The following GUCY1A2 variants were observed in gnomAD, a reference collection of about 807,000 sequenced individuals.
GUCY1A2 encodes guanylate cyclase 1 soluble subunit alpha 2.
GUCY1A2 carries 27 observed loss-of-function variants against 63.5 expected under a neutral mutation model. The observed-to-expected ratio is 0.43, with a 90% confidence interval of 0.31 to 0.59. GUCY1A2 has a LOEUF of 0.59. GUCY1A2 is among the 20% of genes least tolerant of loss of function. The pLI, the probability that GUCY1A2 is intolerant of heterozygous loss-of-function variation, is 0.11. For synonymous variants in GUCY1A2, 364 were observed against 343.5 expected, an observed-to-expected ratio of 1.06 and a Z score of -0.66; for missense variants, 768 against 913.3, an observed-to-expected ratio of 0.84 and a Z score of 2.05.
At chr11:106,811,624 AT>A (rs2135424938) in intron 4 of GUCY1A2, among the ~76,000 whole-genome samples, 1 of 152,178 alleles carries the variant, frequency 6.6e-6, no homozygotes, top group Admixed American at 6.6e-5. Context: ...AGTCATTAAT[AT>A]TTTTACTTTT....
chr11:106,962,896 T>C (rs1459188275), intron 3 of GUCY1A2, among the ~76,000 whole-genome samples: 2 of 151,882 alleles, frequency 1.3e-5, no homozygotes, highest in Non-Finnish European at 2.9e-5. Context: ...CATGTGCTTA[T>C]GCTCTGACCT....
rs768965275 is a variant in GUCY1A2 at position 106,708,678 on chromosome 11, T to A, written c.1837-12A>T. On this transcript the variant is annotated splice_polypyrimidine_tract_variant and intron_variant, in intron 6 of 7. Coordinates refer to ENST00000526355, the MANE Select transcript of GUCY1A2 (RefSeq NM_000855.3). ...ATTCCTATCCTCATCTAAAGAAGAA[T>A]GAAAGAGGAAAAGGAACATATTTGT... 5 of 1,556,780 alleles carry A rather than the reference T, an allele frequency of 3.2e-6. No individual in the cohort carries two copies. Among genetic ancestry groups the A allele is most frequent in the Admixed American group, 1.8e-5 (1 of 55,392 alleles).
intron 4 of GUCY1A2, chr11:106,826,299 C>T: frequency 2.2e-6 from 2 of 913,520 alleles, no homozygotes; most frequent in Non-Finnish European, 3.3e-6. Flanking sequence ...TCAGTGTGGT[C>T]ATCATTAACT....
chr11:106,859,384 G>T (rs1859478301), intron 4 of GUCY1A2, among the ~76,000 whole-genome samples: 1 of 151,934 alleles, frequency 6.6e-6, no homozygotes, highest in South Asian at 2.1e-4. Context: ...CTTAATTTAT[G>T]TATTTATTCT....
chr11:106,894,880 G>A lies in GUCY1A2; in HGVS notation c.1206+44580C>T, dbSNP rs568769026. 5.7e-4 allele frequency among the ~76,000 whole-genome samples: 87 copies of A among 151,936 alleles called. 3 individuals carry two copies. The highest frequency in any genetic ancestry group is 1.6e-3 in the African/African-American group (68 of 41,446). Reference sequence around the variant, plus strand: ...AGAAGAAAAAATTAAATCCAAAGTCGGCCTGAGAAAAGAAATAAAGTCAGA... The same window carrying A: ...AGAAGAAAAAATTAAATCCAAAGTCAGCCTGAGAAAAGAAATAAAGTCAGA... On this transcript the variant is annotated intron_variant, in intron 4 of 7. Coordinates refer to ENST00000526355, the MANE Select transcript of GUCY1A2 (RefSeq NM_000855.3).
intron 3 of GUCY1A2, among the ~76,000 whole-genome samples, chr11:106,968,459 C>T (rs1350181672): frequency 1.3e-5 from 2 of 152,104 alleles, no homozygotes; most frequent in Non-Finnish European, 2.9e-5. Flanking sequence ...GTTGGTTTTT[C>T]CTCTTTTACT....
chr11:106,938,731 G>A (rs1471046), intron 4 of GUCY1A2, among the ~76,000 whole-genome samples: 2 of 151,792 alleles, frequency 1.3e-5, no homozygotes, highest in African/African-American at 4.8e-5. Context: ...TATTTTACCT[G>A]AGGGACAAAA....
At chr11:106,971,544 C>T (rs1482034822) in intron 3 of GUCY1A2, among the ~76,000 whole-genome samples, 1 of 152,024 alleles carries the variant, frequency 6.6e-6, no homozygotes, top group African/African-American at 2.4e-5. Context: ...TAAAGGGAGT[C>T]AGGTTTCTCC....
rs940996637 is a variant in GUCY1A2, at chr11:106,909,709, T to C, written c.1206+29751A>G. Among the ~76,000 whole-genome samples, 20 of 152,100 alleles carry C rather than the reference T, an allele frequency of 1.3e-4. 1 individual carries two copies. Among genetic ancestry groups the C allele is most frequent in the African/African-American group, 4.1e-4 (17 of 41,520 alleles). On this transcript the variant is annotated intron_variant, in intron 4 of 7. Coordinates refer to ENST00000526355, the MANE Select transcript of GUCY1A2 (RefSeq NM_000855.3). ...TAGCTCCATCCTCTTTATGGCTGAGTAGTATTCCATCTGGATGTAACACAG... is the reference window on the plus strand; with the variant it reads ...TAGCTCCATCCTCTTTATGGCTGAGCAGTATTCCATCTGGATGTAACACAG...
intron 3 of GUCY1A2, among the ~76,000 whole-genome samples, chr11:106,959,635 T>C (rs1861034975): frequency 1.3e-5 from 2 of 152,144 alleles, no homozygotes; most frequent in Non-Finnish European, 2.9e-5. Flanking sequence ...TCAAAGATAG[T>C]TCATTTGGAA....
At chr11:106,996,753 G>A (rs927516823) in intron 1 of GUCY1A2, among the ~76,000 whole-genome samples, 1 of 152,176 alleles carries the variant, frequency 6.6e-6, no homozygotes, top group East Asian at 1.9e-4. Context: ...CAGATGCTGA[G>A]ACATGTAGAA....
At chr11:106,924,426 ATGT>A (rs1860492940) in intron 4 of GUCY1A2, among the ~76,000 whole-genome samples, 1 of 152,184 alleles carries the variant, frequency 6.6e-6, no homozygotes, top group Non-Finnish European at 1.5e-5. Flanking sequence ...TTTGCAATAA[ATGT>A]TGTGTGATAT....
intron 6 of GUCY1A2, among the ~76,000 whole-genome samples, chr11:106,733,915 G>A (rs1256461252): frequency 6.6e-6 from 1 of 152,074 alleles, no homozygotes; most frequent in Non-Finnish European, 1.5e-5. Context: ...CCTCCTAGGG[G>A]AGCATTCCTC....
At chr11:106,797,174 G>A (rs776614441) in intron 5 of GUCY1A2, among the ~76,000 whole-genome samples, 7 of 151,974 alleles carry the variant, frequency 4.6e-5, no homozygotes, top group Non-Finnish European at 8.8e-5. Context: ...TTAGCCATTC[G>A]TCTAATCTTT....
intron 6 of GUCY1A2, among the ~76,000 whole-genome samples, chr11:106,709,509 T>TTATTATATATTTATATATATAATAATATA (rs1863012799): frequency 9.4e-5 from 2 of 21,262 alleles, no homozygotes; most frequent in Non-Finnish European, 1.4e-4. Context: ...ATAATATATA[T>TTATTATATATTTATATATATAATAATATA]TATTCTATAA....
intron 6 of GUCY1A2, among the ~76,000 whole-genome samples, chr11:106,771,550 C>T (rs1864254687): frequency 6.6e-6 from 1 of 152,060 alleles, no homozygotes; most frequent in Non-Finnish European, 1.5e-5. Flanking sequence ...GAGTTCACGA[C>T]CAGCTTGGGC....
chr11:106,720,983 A>G (rs1863305673), intron 6 of GUCY1A2, among the ~76,000 whole-genome samples: 1 of 152,148 alleles, frequency 6.6e-6, no homozygotes, highest in Non-Finnish European at 1.5e-5. Context: ...ATTCTGAAAA[A>G]CGAAAAACAT....
In GUCY1A2 at chr11:107,017,874, G is replaced by C; in HGVS notation, c.182C>G (p.Pro61Arg). Residue 61 changes from proline (P) to arginine (R), a missense_variant, in exon 1 of 8, where the codon CCG becomes CGG. Pro to Arg is a moderately radical substitution (Grantham distance 103). Coordinates refer to ENST00000526355, the MANE Select transcript of GUCY1A2 (RefSeq NM_000855.3). ...AAAAAAAAPA[P>R]TPAASAAAAA... ...GGCGGCGGCAGAAGCAGCCGGGGTC[G>C]GGGCCGGGGCGGCGGCAGCGGCAGC... The C allele has an allele frequency of 8.0e-7, 1 of 1,248,576 alleles. No homozygotes were observed. 77.3% of individuals were successfully genotyped at this position (1,248,576 alleles called of 1,614,324 possible).
At chr11:106,816,167 TAAAA>T (rs60263721) in intron 4 of GUCY1A2, among the ~76,000 whole-genome samples, 2 of 92,014 alleles carry the variant, frequency 2.2e-5, no homozygotes, top group African/African-American at 4.4e-5. Context: ...ACTCTTTCTT[TAAAA>T]AAAAAAAAAA....
Sources: allele counts gnomAD v4.1 joint callset (sites outside exome capture counted in the v4.1 genomes callset), GRCh38; gene constraint gnomAD v4.1.1; transcripts MANE v1.5; gene names NCBI Gene and HGNC (gene_info 2026-07-23, HGNC 2026-07-21).